LARS1: variants seen among roughly 807,000 people sequenced by gnomAD.
LARS1 encodes leucyl-tRNA synthetase 1.
In LARS1, 100 loss-of-function variants were observed where a neutral mutation model predicts 162.8. The observed-to-expected ratio is 0.61, with a 90% confidence interval of 0.52 to 0.73. LARS1 has a LOEUF of 0.73. LARS1 is among the 30% of genes least tolerant of loss of function. LARS1 has a pLI of 0.00. For missense variants in LARS1, 1,258 were observed against 1,408.9 expected, an observed-to-expected ratio of 0.89 and a Z score of 1.71; for synonymous variants, 457 against 462.8, an observed-to-expected ratio of 0.99 and a Z score of 0.16.
chr5:146,121,032 G>A (rs1751797754), intron 30 of LARS1, among the ~76,000 whole-genome samples: 1 of 152,116 alleles, frequency 6.6e-6, no homozygotes. Flanking sequence ...TGAGTCTTGT[G>A]AAAGACTTAA....
At chr5:146,160,817 T>G (rs188664372) in intron 6 of LARS1, among the ~76,000 whole-genome samples, 30 of 152,348 alleles carry the variant, frequency 2.0e-4, no homozygotes, top group Admixed American at 1.6e-3. Flanking sequence ...TTTCTACTAA[T>G]TGTTAATATG....
At chr5:146,131,486 GTTTTT>G (rs140490084) in intron 23 of LARS1, 5 of 119,458 alleles carry the variant, frequency 4.2e-5, no homozygotes, top group Admixed American at 8.7e-5. Flanking sequence ...TTGTAGCCAA[GTTTTT>G]TTTTTTTTTT....
intron 10 of LARS1, among the ~76,000 whole-genome samples, chr5:146,157,138 T>G (rs1407811854): frequency 1.3e-5 from 2 of 152,214 alleles, no homozygotes; most frequent in African/African-American, 2.4e-5. Context: ...AGAGCAGTGG[T>G]TACCTTTGGA....
chr5:146,156,385 C>G (rs1057381460), intron 10 of LARS1, among the ~76,000 whole-genome samples: 1 of 152,088 alleles, frequency 6.6e-6, no homozygotes, highest in Non-Finnish European at 1.5e-5. Flanking sequence ...TAAACACACT[C>G]AGAAATATTG....
intron 13 of LARS1, among the ~76,000 whole-genome samples, 196 bp downstream of exon 13, chr5:146,152,978 G>A (rs1193406860): frequency 6.6e-6 from 1 of 152,178 alleles, no homozygotes; most frequent in East Asian, 1.9e-4. Flanking sequence ...GGTGCCAGGT[G>A]GTAAGAAAAT....
chr5:146,153,110 T>G (rs2126519503), intron 13 of LARS1, 64 bp downstream of exon 13: 1 of 1,273,224 alleles, frequency 7.9e-7, no homozygotes, highest in South Asian at 1.3e-5. Flanking sequence ...GGAAAACATG[T>G]TAGCTCTTCT....
intron 20 of LARS1, among the ~76,000 whole-genome samples, chr5:146,140,811 A>ATG (rs1268970580): frequency 6.6e-6 from 1 of 152,200 alleles, no homozygotes; most frequent in Non-Finnish European, 1.5e-5. Flanking sequence ...TCTCAAAAAA[A>ATG]TGTATATATA....
rs1422750783 is a variant in LARS1 at position 146,159,421 on chromosome 5, T to G, written c.757A>C (p.Arg253=). 1 of 1,611,256 alleles carries G rather than the reference T, an allele frequency of 6.2e-7. No homozygotes were observed. The highest frequency in any genetic ancestry group is 1.3e-5 in the African/African-American group (1 of 74,882). ...CAAATAATCACCTCTCCAGTTTGTC[T>G]ATCATGATCCATGCAAGGCTGTCCA... is the stretch of plus-strand genomic sequence containing the variant. ...KDGQPCMDHD[R]QTGEGVGPQE... is the part of the protein sequence containing the mutation. The change falls in exon 8 of 32, where the codon AGA becomes CGA. Residue 253 remains arginine (R), a synonymous_variant. Coordinates refer to ENST00000394434, the MANE Select transcript of LARS1 (RefSeq NM_020117.11).
At chr5:146,173,606 T>C (rs1271235329) in intron 2 of LARS1, among the ~76,000 whole-genome samples, 1 of 151,736 alleles carries the variant, frequency 6.6e-6, no homozygotes, top group East Asian at 1.9e-4. Context: ...AGAACCACCA[T>C]GAGCATGAGC....
chr5:146,147,035 T>C (rs560200274), intron 15 of LARS1, among the ~76,000 whole-genome samples: 5 of 151,926 alleles, frequency 3.3e-5, no homozygotes, highest in African/African-American at 7.2e-5. Context: ...GAGCTAGAGA[T>C]TGGCAGAATC....
intron 29 of LARS1, 99 bp from the exon 30 acceptor site, chr5:146,122,686 T>C (rs1751879879): frequency 1.8e-6 from 1 of 569,904 alleles, no homozygotes; most frequent in African/African-American, 1.9e-5. Flanking sequence ...GGTTCTCCAG[T>C]TAACATGAAA....
intron 21 of LARS1, among the ~76,000 whole-genome samples, chr5:146,137,090 G>A (rs1410401029): frequency 6.6e-6 from 1 of 152,138 alleles, no homozygotes; most frequent in Non-Finnish European, 1.5e-5. Flanking sequence ...TAGAGATGGA[G>A]TTTCACCACA....
chr5:146,159,768 G>C (rs1753694827), intron 7 of LARS1, among the ~76,000 whole-genome samples: 1 of 151,988 alleles, frequency 6.6e-6, no homozygotes, highest in Admixed American at 6.6e-5. Context: ...CTATCAGGAA[G>C]TTGATTATGT....
At chr5:146,164,084 A>G (rs1056634866) in intron 6 of LARS1, among the ~76,000 whole-genome samples, 2 of 149,916 alleles carry the variant, frequency 1.3e-5, no homozygotes, top group African/African-American at 5.0e-5. Context: ...ATAGATCACC[A>G]TAACAGATAA....
chr5:146,152,301 T>C (rs966092436), intron 13 of LARS1, among the ~76,000 whole-genome samples: 6 of 152,256 alleles, frequency 3.9e-5, no homozygotes, highest in South Asian at 2.1e-4. Context: ...AAGTAATTCA[T>C]ACTGAAACTA....
chr5:146,117,308 ACAT>A (rs994218231), intron 31 of LARS1, among the ~76,000 whole-genome samples: 1 of 152,066 alleles, frequency 6.6e-6, no homozygotes, highest in Non-Finnish European at 1.5e-5. Context: ...ATGTGCTATA[ACAT>A]CATAATAATC....
Position 146,182,641 on chromosome 5 carries a change from G to T in LARS1, c.-148C>A. On this transcript the variant is annotated 5_prime_UTR_variant, in exon 1 of 32. Transcript: ENST00000394434. ...TCACACCTGCTGAGGCAATCATCCG[G>T]CTCCTTACTAACTACAGCCAAGGCA... 2 of 1,090,690 alleles carry T rather than the reference G, an allele frequency of 1.8e-6. No individual in the cohort carries two copies. The highest frequency in any genetic ancestry group is 1.4e-6 in the Non-Finnish European group (1 of 725,284). The allele number at this position is 1,090,690 out of a possible 1,614,324, so 67.6% of individuals were successfully genotyped here.
chr5:146,142,726 G>T, intron 20 of LARS1, 146 bp downstream of exon 20: 1 of 648,132 alleles, frequency 1.5e-6, no homozygotes, highest in Non-Finnish European at 2.6e-6. Flanking sequence ...TGGCCTTTCT[G>T]CTTTAGTACA....
intron 2 of LARS1, 38 bp downstream of exon 2, chr5:146,177,506 ATAG>A: frequency 1.0e-5 from 4 of 382,558 alleles, no homozygotes; most frequent in South Asian, 6.9e-5. Context: ...ATATATATAT[ATAG>A]AAATACAATG....
Sources: allele counts gnomAD v4.1 joint callset (sites outside exome capture counted in the v4.1 genomes callset), GRCh38; gene constraint gnomAD v4.1.1; transcripts MANE v1.5; gene names NCBI Gene and HGNC (gene_info 2026-07-23, HGNC 2026-07-21).